The following KCNQ3 variants were observed in gnomAD, a reference collection of about 807,000 sequenced individuals.
KCNQ3 encodes the protein potassium voltage-gated channel subfamily Q member 3.
KCNQ3 carries 30 observed loss-of-function variants against 92.5 expected under a neutral mutation model. The observed-to-expected ratio is 0.32, with a 90% confidence interval of 0.24 to 0.44. The LOEUF (loss-of-function observed/expected upper bound fraction) is 0.44, where lower values mean the gene tolerates loss of function less well. Among genes scored for constraint, KCNQ3 ranks in the 20% least tolerant of loss-of-function variants. The probability of loss-of-function intolerance (pLI) is 1.00; values close to 1 mark genes in which losing one functional copy is unlikely to be tolerated. For missense variants in KCNQ3, 913 were observed against 1,140.3 expected (o/e 0.80, Z 2.87); for synonymous variants, 450 against 468.8 (o/e 0.96, Z 0.52).
At chr8:132,426,507 G>A (rs149652476) in intron 1 of KCNQ3, among the ~76,000 whole-genome samples, 1 of 152,362 alleles carries the variant, frequency 6.6e-6, no homozygotes, top group Non-Finnish European at 1.5e-5. Flanking sequence ...ATGGCACGCA[G>A]TGTCCTCCCC....
chr8:132,272,778 A>G (rs767937271), intron 1 of KCNQ3, among the ~76,000 whole-genome samples: 1 of 152,156 alleles, frequency 6.6e-6, no homozygotes, highest in African/African-American at 2.4e-5. Flanking sequence ...ACATGTGGGA[A>G]TTGTGGGAGT....
chr8:132,230,432 GCAGAGAGAGAGAGAGA>G (rs764995409), intron 1 of KCNQ3, among the ~76,000 whole-genome samples: 2,794 of 137,058 alleles, frequency 0.02, 34 homozygotes, highest in Middle Eastern at 0.035. Flanking sequence ...GCCACCACAG[GCAGAGAGAGAGAGAGA>G]CAGAGAGAGA....
chr8:132,191,530 A>T (rs1372234838), intron 1 of KCNQ3, among the ~76,000 whole-genome samples: 1 of 150,342 alleles, frequency 6.7e-6, no homozygotes, highest in Non-Finnish European at 1.5e-5. Context: ...CTCTATATAT[A>T]TATATAATAT....
intron 1 of KCNQ3, among the ~76,000 whole-genome samples, chr8:132,463,920 C>A (rs952943741): frequency 6.6e-6 from 1 of 152,232 alleles, no homozygotes; most frequent in Non-Finnish European, 1.5e-5. Flanking sequence ...TCAAGCGATT[C>A]ATGCCTGTAA....
At chr8:132,304,286 C>A (rs1216583628) in intron 1 of KCNQ3, among the ~76,000 whole-genome samples, 2 of 151,982 alleles carry the variant, frequency 1.3e-5, no homozygotes, top group Non-Finnish European at 2.9e-5. Context: ...TACTTGTACC[C>A]CCTAAATCTA....
chr8:132,198,849 T>C (rs575341264), intron 1 of KCNQ3, among the ~76,000 whole-genome samples: 1 of 152,146 alleles, frequency 6.6e-6, no homozygotes, highest in African/African-American at 2.4e-5. Flanking sequence ...AATTAAGGTA[T>C]CTCTGTTATC....
At position 132,272,053 on chromosome 8, in the gene KCNQ3, A is replaced by C. The variant is rs181538681; in HGVS notation, c.387-85872T>G. Among the ~76,000 whole-genome samples, 537 of 152,310 alleles carry C rather than the reference A, an allele frequency of 3.5e-3. 3 individuals carry two copies. The highest frequency in any genetic ancestry group is 0.012 in the African/African-American group (508 of 41,562). ...TCTTCTGCCTAGAAAGTGGCTACAG[A>C]CATGCCTTGCACATGTAGACTTTGC... is the stretch of plus-strand genomic sequence containing the variant. On this transcript the variant is annotated intron_variant, in intron 1 of 14. Transcript: ENST00000388996.
intron 1 of KCNQ3, among the ~76,000 whole-genome samples, chr8:132,187,762 ATGG>A (rs1563795537): frequency 2.3e-5 from 3 of 130,280 alleles, no homozygotes; most frequent in Admixed American, 7.5e-5. Flanking sequence ...GGTAGTGATG[ATGG>A]TGGTAGTGAT....
chr8:132,362,740 T>G (rs1291250608), intron 1 of KCNQ3, among the ~76,000 whole-genome samples: 1 of 151,912 alleles, frequency 6.6e-6, no homozygotes, highest in Non-Finnish European at 1.5e-5. Flanking sequence ...ATCAAATGAG[T>G]GCAAAGACAA....
chr8:132,180,478 A>G (rs1389017900), intron 3 of KCNQ3, 149 bp from the exon 4 acceptor site: 2 of 791,446 alleles, frequency 2.5e-6, no homozygotes, highest in Admixed American at 4.1e-5. Flanking sequence ...CTTGCCACCA[A>G]CAACACATGG....
intron 1 of KCNQ3, among the ~76,000 whole-genome samples, chr8:132,292,380 T>C (rs1816885285): frequency 1.3e-5 from 2 of 152,128 alleles, no homozygotes; most frequent in Admixed American, 1.3e-4. Flanking sequence ...ATCCCCACTG[T>C]GCAAATGAGG....
At chr8:132,248,447 T>C (rs1815265524) in intron 1 of KCNQ3, among the ~76,000 whole-genome samples, 1 of 151,912 alleles carries the variant, frequency 6.6e-6, no homozygotes, top group Admixed American at 6.6e-5. Flanking sequence ...CATCTCCAGT[T>C]GAAAATGAAA....
intron 1 of KCNQ3, among the ~76,000 whole-genome samples, chr8:132,441,108 A>C (rs1821524429): frequency 6.6e-6 from 1 of 152,238 alleles, no homozygotes; most frequent in Non-Finnish European, 1.5e-5. Flanking sequence ...CACAGTCAAG[A>C]CTGGCAGCAA....
chr8:132,263,543 G>A (rs941883413), intron 1 of KCNQ3, among the ~76,000 whole-genome samples: 47 of 152,362 alleles, frequency 3.1e-4, no homozygotes, highest in African/African-American at 1.0e-3. Flanking sequence ...GCCAGAAGCA[G>A]ATGAAGCCAG....
chr8:132,293,234 T>A (rs904012454), intron 1 of KCNQ3, among the ~76,000 whole-genome samples: 2 of 152,186 alleles, frequency 1.3e-5, no homozygotes, highest in African/African-American at 4.8e-5. Context: ...AGCAAATCAA[T>A]CGAACTCAAA....
rs1216622434 is a variant in KCNQ3 at position 132,208,158 on chromosome 8, G to T, written c.387-21977C>A. 2.0e-5 allele frequency among the ~76,000 whole-genome samples: 3 copies of T among 152,138 alleles called. No homozygotes were observed. The South Asian group carries it at 6.2e-4, about 32-fold the overall frequency. On this transcript the variant is annotated intron_variant, in intron 1 of 14. Transcript: ENST00000388996. ...GAGCAATTACTCTGTACCAAACCCT[G>T]TGTCAAGGTACAGAGGTGACCCAAG...
rs1253481641 is a variant in KCNQ3 at position 132,186,166 on chromosome 8, C to T, written c.402G>A (p.Leu134=). 6 of 1,613,106 alleles carry T rather than the reference C, an allele frequency of 3.7e-6. No homozygotes were observed. Among genetic ancestry groups the T allele is most frequent in the Non-Finnish European group, 5.1e-6 (6 of 1,179,096 alleles). ...LYHALVFLIV[L]GCLILAVLTT... ...TCAGGACAGCCAGAATCAAGCACCCCAGGACAATCAGGAACCTAGAGGGGA... is the reference window on the plus strand; with the variant it reads ...TCAGGACAGCCAGAATCAAGCACCCTAGGACAATCAGGAACCTAGAGGGGA... The change falls in exon 2 of 15, where the codon CTG becomes CTA. Residue 134 remains leucine (L), a synonymous_variant. Coordinates refer to ENST00000388996, the MANE Select transcript of KCNQ3 (RefSeq NM_004519.4).
intron 1 of KCNQ3, among the ~76,000 whole-genome samples, chr8:132,244,442 G>A (rs559303617): frequency 6.6e-6 from 1 of 151,864 alleles, no homozygotes; most frequent in African/African-American, 2.4e-5. Context: ...TGGAAAGGAG[G>A]AGGTAGTAAA....
chr8:132,223,932 T>C (rs1296228893), intron 1 of KCNQ3, among the ~76,000 whole-genome samples: 7 of 152,040 alleles, frequency 4.6e-5, no homozygotes, highest in Admixed American at 3.9e-4. Flanking sequence ...GATCATATTT[T>C]TGAGACAGAA....
Sources: allele counts gnomAD v4.1 joint callset (sites outside exome capture counted in the v4.1 genomes callset), GRCh38; gene constraint gnomAD v4.1.1; transcripts MANE v1.5; gene names NCBI Gene and HGNC (gene_info 2026-07-23, HGNC 2026-07-21).